CA10: variants seen among roughly 807,000 people sequenced by gnomAD.
CA10 encodes carbonic anhydrase 10 (inactive), also known as carbonic anhydrase-related protein 10.
In CA10, 14 loss-of-function variants were observed where a neutral mutation model predicts 44.2. The observed-to-expected ratio is 0.32, with a 90% CI of 0.21 to 0.50. The LOEUF (loss-of-function observed/expected upper bound fraction) is 0.50, where lower values mean the gene tolerates loss of function less well. Among genes scored for constraint, CA10 ranks in the 20% least tolerant of loss-of-function variants. CA10 has a pLI of 0.99. For synonymous variants in CA10, 159 were observed against 141.6 expected (o/e 1.12, Z -0.87); for missense variants, 350 against 409.7 (o/e 0.85, Z 1.26).
At chr17:51,856,347 G>C (rs1979041963) in intron 3 of CA10, among the ~76,000 whole-genome samples, 1 of 143,342 alleles carries the variant, frequency 7.0e-6, no homozygotes, top group Non-Finnish European at 1.5e-5. Flanking sequence ...ACTGGTGAGG[G>C]AGACATTTCA....
intron 2 of CA10, among the ~76,000 whole-genome samples, chr17:51,959,593 G>C (rs570019944): frequency 2.0e-5 from 3 of 152,018 alleles, no homozygotes; most frequent in South Asian, 4.2e-4. Context: ...CCAAGGCAGC[G>C]TAACAACTGC....
chr17:52,130,943 T>G (rs543669223), intron 1 of CA10, among the ~76,000 whole-genome samples: 33 of 152,274 alleles, frequency 2.2e-4, no homozygotes, highest in Middle Eastern at 3.4e-3. Context: ...ATGTATTGTA[T>G]ACTCGAAAAT....
chr17:51,758,313 C>T (rs1016472399), intron 3 of CA10, among the ~76,000 whole-genome samples: 3 of 152,180 alleles, frequency 2.0e-5, no homozygotes, highest in Admixed American at 6.5e-5. Context: ...GATTTATTTG[C>T]ACACTCTGCA....
chr17:51,777,440 C>T (rs945368187), intron 3 of CA10, among the ~76,000 whole-genome samples: 3 of 152,048 alleles, frequency 2.0e-5, no homozygotes, highest in South Asian at 4.2e-4. Flanking sequence ...TATGGAGGGC[C>T]GATTTTTTTG....
intron 3 of CA10, among the ~76,000 whole-genome samples, chr17:51,880,969 G>A (rs1248213902): frequency 2.0e-5 from 3 of 151,332 alleles, no homozygotes; most frequent in South Asian, 4.2e-4. Context: ...GGGCGCGGGT[G>A]GCTCACGCCT....
chr17:52,105,448 G>C (rs1383337749), intron 1 of CA10, among the ~76,000 whole-genome samples: 2 of 152,128 alleles, frequency 1.3e-5, no homozygotes, highest in South Asian at 4.1e-4. Context: ...GTAGAGAGGG[G>C]GTTTCACCGT....
chr17:51,812,118 G>C (rs1181831163), intron 3 of CA10, among the ~76,000 whole-genome samples: 2 of 152,182 alleles, frequency 1.3e-5, no homozygotes, highest in Non-Finnish European at 2.9e-5. Flanking sequence ...GGTTGCTGCA[G>C]TCACTAATAT....
At chr17:52,059,861 C>A (rs1987334412) in intron 2 of CA10, among the ~76,000 whole-genome samples, 1 of 152,098 alleles carries the variant, frequency 6.6e-6, no homozygotes, top group African/African-American at 2.4e-5. Flanking sequence ...GGTTTACATA[C>A]AATTTTGTAG....
intron 1 of CA10, among the ~76,000 whole-genome samples, chr17:52,146,810 T>C (rs909489566): frequency 2.6e-5 from 4 of 152,100 alleles, no homozygotes; most frequent in South Asian, 2.1e-4. Context: ...TCCTCTACAC[T>C]TTTTTTCCCC....
chr17:51,820,050 G>C (rs532137617), intron 3 of CA10, among the ~76,000 whole-genome samples: 1 of 152,014 alleles, frequency 6.6e-6, no homozygotes, highest in Non-Finnish European at 1.5e-5. Flanking sequence ...AACCTGATGA[G>C]GCTGTTACTG....
chr17:51,888,027 GAAAACA>G (rs544545617), intron 3 of CA10, among the ~76,000 whole-genome samples: 3 of 151,484 alleles, frequency 2.0e-5, no homozygotes, highest in African/African-American at 2.4e-5. Context: ...TCCATCTCAA[GAAAACA>G]AAAACAAAAA....
chr17:51,921,687 G>T (rs917048578), intron 3 of CA10, among the ~76,000 whole-genome samples: 2 of 152,158 alleles, frequency 1.3e-5, no homozygotes, highest in African/African-American at 4.8e-5. Context: ...CATGGATGTA[G>T]AACCTCAGGT....
intron 4 of CA10, among the ~76,000 whole-genome samples, chr17:51,690,501 C>T (rs903833768): frequency 3.3e-5 from 5 of 152,230 alleles, no homozygotes; most frequent in South Asian, 2.1e-4. Context: ...ATTATCGCTC[C>T]CCTATTCCCC....
At chr17:52,128,268 C>G (rs372734491) in intron 1 of CA10, among the ~76,000 whole-genome samples, 2 of 152,190 alleles carry the variant, frequency 1.3e-5, no homozygotes, top group African/African-American at 2.4e-5. Flanking sequence ...TATCTTTTAG[C>G]CTGTTAGCTT....
chr17:52,098,727 A>C (rs1449955710), intron 1 of CA10, among the ~76,000 whole-genome samples: 1 of 152,106 alleles, frequency 6.6e-6, no homozygotes, highest in Non-Finnish European at 1.5e-5. Flanking sequence ...CTGTTCCTCT[A>C]CCGGGCCAGT....
chr17:51,770,196 C>T (rs1285313327), intron 3 of CA10, among the ~76,000 whole-genome samples: 2 of 151,066 alleles, frequency 1.3e-5, no homozygotes, highest in Non-Finnish European at 2.9e-5. Context: ...AGTAGCTGCA[C>T]ATTGTAAAAT....
At chr17:51,770,791 G>T (rs566620362) in intron 3 of CA10, among the ~76,000 whole-genome samples, 1 of 151,974 alleles carries the variant, frequency 6.6e-6, no homozygotes, top group Non-Finnish European at 1.5e-5. Context: ...GTGGGAGCAA[G>T]AGAGAGATAG....
chr17:52,075,788 GA>G lies in CA10; in HGVS notation c.62-3396del, dbSNP rs1987803232. Among the ~76,000 whole-genome samples, 5 of 152,240 alleles carry G rather than the reference GA, an allele frequency of 3.3e-5. 1 individual carries two copies. The South Asian group carries it at 1.0e-3, about 32-fold the overall frequency. On this transcript the variant is annotated intron_variant, in intron 1 of 8. Coordinates refer to ENST00000451037, the MANE Select transcript of CA10 (RefSeq NM_020178.5). ...TTTATAGTACTTACATGTGCTAAAA[GA>G]GGATAAAATGAAACATTATGTTGAA... is the stretch of plus-strand genomic sequence containing the variant.
intron 1 of CA10, among the ~76,000 whole-genome samples, chr17:52,111,896 G>A (rs1988795216): frequency 6.6e-6 from 1 of 152,194 alleles, no homozygotes; most frequent in East Asian, 1.9e-4. Context: ...CTCTTTTCTT[G>A]TACTTTTATC....
Sources: allele counts gnomAD v4.1 joint callset (sites outside exome capture counted in the v4.1 genomes callset), GRCh38; gene constraint gnomAD v4.1.1; transcripts MANE v1.5; gene names NCBI Gene and HGNC (gene_info 2026-07-23, HGNC 2026-07-21).